The following PXMP2 variants were observed in gnomAD, a reference collection of about 807,000 sequenced individuals.
PXMP2 encodes peroxisomal membrane protein 2.
In PXMP2, 13 loss-of-function variants were observed where a neutral mutation model predicts 20.2. That is an observed-to-expected ratio of 0.64 (90% CI 0.42 to 1.02). The LOEUF is 1.02. Among genes scored for constraint, PXMP2 ranks in the 50% least tolerant of loss-of-function variants. The pLI, the probability that PXMP2 is intolerant of heterozygous loss-of-function variation, is 0.00. For missense variants in PXMP2, 284 were observed against 251.8 expected, an observed-to-expected ratio of 1.13 and a Z score of -0.87; for synonymous variants, 113 against 111.2, an observed-to-expected ratio of 1.02 and a Z score of -0.10.
At chr12:132,692,629 A>ATAGTGAGCGCCCTTAGCCAGT (rs2043377258) in intron 2 of PXMP2, among the ~76,000 whole-genome samples, 1 of 70,226 alleles carries the variant, frequency 1.4e-5, no homozygotes, top group African/African-American at 6.2e-5. Context: ...AGCCAGTTAG[A>ATAGTGAGCGCCCTTAGCCAGT]TAGTGAGCGC....
intron 3 of PXMP2, among the ~76,000 whole-genome samples, chr12:132,700,306 CA>C (rs2043432005): frequency 6.6e-6 from 1 of 152,116 alleles, no homozygotes; most frequent in African/African-American, 2.4e-5. Flanking sequence ...CTCAGCCTCC[CA>C]AAGTGCTTAA....
rs760767821 is a variant in PXMP2, at chr12:132,704,762, A to C, written c.*75A>C. On this transcript the variant is annotated 3_prime_UTR_variant, in exon 5 of 5. Transcript: ENST00000317479. ...TCACCCGCCCAGCGAGAGCAGAACC[A>C]ATCCAGTCAGGATGTCACTGACTCT... 1.4e-6 allele frequency: 2 copies of C among 1,404,772 alleles called. No individual in the cohort carries two copies. The highest frequency in any genetic ancestry group is 1.4e-5 in the African/African-American group (1 of 70,648). 87.0% of individuals were successfully genotyped at this position (1,404,772 alleles called of 1,614,324 possible). A position where few individuals can be genotyped will look rare whatever the true frequency, so the allele number is the denominator to read the frequency against.
intron 3 of PXMP2, among the ~76,000 whole-genome samples, chr12:132,700,289 C>T (rs570426741): frequency 4.6e-5 from 7 of 151,966 alleles, no homozygotes; most frequent in Middle Eastern, 3.4e-3. Context: ...CCTCGTGATC[C>T]GCCCACCTCA....
chr12:132,690,422 C>T (rs1197938220), intron 2 of PXMP2, 46 bp downstream of exon 2: 9 of 1,467,408 alleles, frequency 6.1e-6, no homozygotes, highest in Admixed American at 5.4e-5. Flanking sequence ...CCGCTGAGTG[C>T]AACCAAGCTG....
Position 132,690,359 on chromosome 12 carries a change from G to A in PXMP2, c.219G>A (p.Leu73=). Residue 73 remains leucine, a synonymous_variant, in exon 2 of 5, where the codon CTG becomes CTA. Coordinates refer to ENST00000317479, the MANE Select transcript of PXMP2 (RefSeq NM_018663.3). ...NSRSLDVGGP[L]RYAVYGFFFT... is the part of the protein sequence containing the mutation. ...GAAGTCTGGATGTCGGTGGGCCTCT[G>A]AGATATGCCGTTTACGGGTGAGTGC... The A allele has an allele frequency of 6.2e-7, 1 of 1,613,044 alleles. No homozygotes were observed. Among genetic ancestry groups the A allele is most frequent in the Non-Finnish European group, 8.5e-7 (1 of 1,179,280 alleles).
intron 2 of PXMP2, among the ~76,000 whole-genome samples, chr12:132,694,727 C>T (rs2136063285): frequency 8.6e-6 from 1 of 116,022 alleles, no homozygotes; most frequent in East Asian, 2.5e-4. Flanking sequence ...TAGTGAGCTC[C>T]CTTGCCAGTT....
chr12:132,692,705 AGTGAGCACCCTTGCCAGTTAGTT>A (rs1478940471), intron 2 of PXMP2, among the ~76,000 whole-genome samples: 2 of 134,584 alleles, frequency 1.5e-5, no homozygotes, highest in African/African-American at 3.0e-5. Context: ...CCAGTTAGTT[AGTGAGCACCCTTGCCAGTTAGTT>A]AGTGAGCTCC....
chr12:132,695,131 C>G (rs992282820), intron 2 of PXMP2, among the ~76,000 whole-genome samples: 3 of 150,294 alleles, frequency 2.0e-5, no homozygotes, highest in African/African-American at 4.9e-5. Flanking sequence ...TTAATGAGCT[C>G]CCTTAGCCAG....
intron 2 of PXMP2, among the ~76,000 whole-genome samples, chr12:132,693,742 TAGTG>T (rs2043388244): frequency 7.2e-6 from 1 of 138,890 alleles, no homozygotes; most frequent in Admixed American, 7.0e-5. Flanking sequence ...GCCAGTTAGT[TAGTG>T]AGCTCCCTTA....
chr12:132,694,795 C>A (rs1310642364), intron 2 of PXMP2, among the ~76,000 whole-genome samples: 1 of 142,482 alleles, frequency 7.0e-6, no homozygotes, highest in Admixed American at 7.2e-5. Context: ...TTAGTGAGCG[C>A]CCTTGCCAGT....
In PXMP2 at chr12:132,687,679, G is replaced by A; in HGVS notation, c.9G>A (p.Pro3=). Residue 3 remains proline (P), a synonymous_variant, in exon 1 of 5, where the codon CCG becomes CCA. Coordinates refer to ENST00000317479, the MANE Select transcript of PXMP2 (RefSeq NM_018663.3). ...ACGGCGCTGGGGAGGCGATGGCGCC[G>A]GCCGCGTCCAGGCTGCGGGCCGAAG... MA[P]AASRLRAEAG... is the part of the protein sequence containing the mutation. 1 of 1,175,308 alleles carries A rather than the reference G, an allele frequency of 8.5e-7. No homozygotes were observed. The allele number at this position is 1,175,308 out of a possible 1,614,324, so 72.8% of individuals were successfully genotyped here. A position where few individuals can be genotyped will look rare whatever the true frequency, so the allele number is the denominator to read the frequency against.
chr12:132,698,523 C>A (rs1194503982), intron 3 of PXMP2, among the ~76,000 whole-genome samples: 1 of 152,226 alleles, frequency 6.6e-6, no homozygotes, highest in Non-Finnish European at 1.5e-5. Context: ...TTTCCACTTA[C>A]ATAGCAAATT....
chr12:132,695,673 G>A (rs1398832770), intron 2 of PXMP2, among the ~76,000 whole-genome samples: 1 of 152,238 alleles, frequency 6.6e-6, no homozygotes, highest in Non-Finnish European at 1.5e-5. Context: ...CGCGCTGGGA[G>A]CAGAGAGTCA....
chr12:132,694,272 TGCC>T (rs2043393896), intron 2 of PXMP2, among the ~76,000 whole-genome samples: 1 of 93,066 alleles, frequency 1.1e-5, no homozygotes, highest in African/African-American at 3.9e-5. Flanking sequence ...TGAGCTCCCT[TGCC>T]AGTTAGTTAG....
chr12:132,704,905 C>T lies in PXMP2; in HGVS notation c.*218C>T. On this transcript the variant is annotated 3_prime_UTR_variant, in exon 5 of 5. Coordinates refer to ENST00000317479, the MANE Select transcript of PXMP2 (RefSeq NM_018663.3). ...CCTTCAGGTGGTGCTGCCCCAGAAA[C>T]TTAAAATTTAGTCGAGGCAGTTTCA... The T allele has an allele frequency of 3.6e-6, 2 of 557,874 alleles. No homozygotes were observed. Among genetic ancestry groups the T allele is most frequent in the Non-Finnish European group, 6.4e-6 (2 of 311,748 alleles). 34.6% of individuals were successfully genotyped at this position (557,874 alleles called of 1,614,324 possible).
At chr12:132,702,962 AAG>A (rs1198421748) in intron 4 of PXMP2, among the ~76,000 whole-genome samples, 1 of 152,224 alleles carries the variant, frequency 6.6e-6, no homozygotes, top group Non-Finnish European at 1.5e-5. Context: ...AGACAGGACA[AAG>A]AGGCAGTTCA....
chr12:132,696,963 A>G lies in PXMP2; in HGVS notation c.399+917A>G, dbSNP rs1473837975. Among the ~76,000 whole-genome samples, 1 of 151,718 alleles carries G rather than the reference A, an allele frequency of 6.6e-6. No homozygotes were observed. Among genetic ancestry groups the G allele is most frequent in the Non-Finnish European group, 1.5e-5 (1 of 67,944 alleles). On this transcript the variant is annotated intron_variant, in intron 3 of 4. Coordinates refer to ENST00000317479, the MANE Select transcript of PXMP2 (RefSeq NM_018663.3). The surrounding 1 kb of genome is among the most constrained non-coding windows in gnomAD (Gnocchi z 4.4). ...GCACTCCAGTCTGGGCAACAGAGCA[A>G]GACTCTGCCTCAAAAAAAAAAGAAA... is the stretch of plus-strand genomic sequence containing the variant.
chr12:132,693,310 C>T, intron 2 of PXMP2, among the ~76,000 whole-genome samples: 1 of 41,492 alleles, frequency 2.4e-5, no homozygotes, highest in South Asian at 1.1e-3. Context: ...AGATAGTGAG[C>T]GCCCTTAGCC....
At position 132,696,300 on chromosome 12, in the gene PXMP2, A is replaced by G. The variant is rs1279885080; in HGVS notation, c.399+254A>G. ...ACCCAGGCTGCAGTGCAGTAGCACA[A>G]TCATAGCTCACTGCAAACCTCAAAC... On this transcript the variant is annotated intron_variant, in intron 3 of 4. Transcript: ENST00000317479. This position sits in a 1 kb window ranked among gnomAD's most constrained non-coding sequence, Gnocchi z 4.4. 6.6e-6 allele frequency among the ~76,000 whole-genome samples: 1 copy of G among 152,132 alleles called. No individual in the cohort carries two copies. Among genetic ancestry groups the G allele is most frequent in the Non-Finnish European group, 1.5e-5 (1 of 68,024 alleles).
Sources: allele counts gnomAD v4.1 joint callset (sites outside exome capture counted in the v4.1 genomes callset), GRCh38; gene constraint gnomAD v4.1.1; non-coding constraint Gnocchi (gnomAD v3.1); transcripts MANE v1.5; gene names NCBI Gene and HGNC (gene_info 2026-07-23, HGNC 2026-07-21).